The following CTIF variants were observed in gnomAD, a reference collection of about 807,000 sequenced individuals.
The protein encoded by CTIF is CBP80/20-dependent translation initiation factor.
In CTIF, 21 loss-of-function variants were observed where a neutral mutation model predicts 66.0. The ratio of observed to expected loss-of-function variants is 0.32; its 90% CI spans 0.23 to 0.46. The LOEUF (loss-of-function observed/expected upper bound fraction) is 0.46. CTIF is among the 20% of genes least tolerant of loss of function. The pLI is 1.00. For missense variants in CTIF, 739 were observed against 812.7 expected (o/e 0.91, Z 1.10); for synonymous variants, 345 against 326.4 (o/e 1.06, Z -0.62).
intron 1 of CTIF, among the ~76,000 whole-genome samples, chr18:48,561,235 C>CAAAA (rs36056519): frequency 0.037 from 3,373 of 91,998 alleles, 135 homozygotes; most frequent in South Asian, 0.076. Context: ...GACTCTGTCT[C>CAAAA]AAAAAAAAAA....
At chr18:48,583,409 C>T (rs779182076) in intron 1 of CTIF, among the ~76,000 whole-genome samples, 1 of 152,100 alleles carries the variant, frequency 6.6e-6, no homozygotes, top group Non-Finnish European at 1.5e-5. Flanking sequence ...AGAGTGTTAC[C>T]AAACCCAGGA....
At chr18:48,765,311 G>A (rs932650391) in intron 9 of CTIF, among the ~76,000 whole-genome samples, 2 of 152,004 alleles carry the variant, frequency 1.3e-5, no homozygotes, top group Admixed American at 1.3e-4. Context: ...TCTGGCTCTC[G>A]GTCCCCAACC....
chr18:48,776,737 A>G (rs1243984994), intron 9 of CTIF, among the ~76,000 whole-genome samples: 1 of 152,234 alleles, frequency 6.6e-6, no homozygotes, highest in East Asian at 1.9e-4. Flanking sequence ...GAGGTCTAGG[A>G]CTAGGGAGAG....
At chr18:48,731,980 C>T (rs910226739) in intron 7 of CTIF, among the ~76,000 whole-genome samples, 1 of 152,220 alleles carries the variant, frequency 6.6e-6, no homozygotes, top group East Asian at 1.9e-4. Context: ...ACTCTGTTTC[C>T]ATAACCAGAT....
At chr18:48,630,600 T>C (rs1346944612) in intron 2 of CTIF, among the ~76,000 whole-genome samples, 1 of 152,076 alleles carries the variant, frequency 6.6e-6, no homozygotes, top group African/African-American at 2.4e-5. Context: ...GTGGGTGCAG[T>C]TTTATCAGTT....
intron 9 of CTIF, among the ~76,000 whole-genome samples, chr18:48,768,382 A>G (rs947678492): frequency 7.2e-5 from 11 of 152,266 alleles, no homozygotes; most frequent in Admixed American, 2.6e-4. Flanking sequence ...GCCATCAGTC[A>G]TGGGTACCAA....
At chr18:48,799,218 A>G (rs1447709103) in intron 9 of CTIF, among the ~76,000 whole-genome samples, 2 of 152,092 alleles carry the variant, frequency 1.3e-5, no homozygotes, top group Non-Finnish European at 2.9e-5. Flanking sequence ...TTTGTAGAAT[A>G]CTCTCAGTTC....
At chr18:48,762,211 G>A (rs999224294) in intron 9 of CTIF, among the ~76,000 whole-genome samples, 30 of 152,144 alleles carry the variant, frequency 2.0e-4, no homozygotes, top group African/African-American at 7.0e-4. Flanking sequence ...GGGAAGTCAC[G>A]GTGATGCAAG....
intron 1 of CTIF, among the ~76,000 whole-genome samples, chr18:48,573,274 C>T (rs17829017): frequency 0.073 from 11,150 of 152,190 alleles, 483 homozygotes; most frequent in South Asian, 0.1. Context: ...TAAAACACTA[C>T]GTGCAGGGCT....
At chr18:48,568,833 T>A (rs2089344858) in intron 1 of CTIF, among the ~76,000 whole-genome samples, 1 of 151,994 alleles carries the variant, frequency 6.6e-6, no homozygotes, top group African/African-American at 2.4e-5. Flanking sequence ...TTATTCACTG[T>A]CACAAGAATA....
chr18:48,855,617 G>A (rs1171752344), intron 10 of CTIF, among the ~76,000 whole-genome samples: 4 of 152,230 alleles, frequency 2.6e-5, no homozygotes, highest in African/African-American at 9.6e-5. Context: ...GGCATGCTAG[G>A]AAGATCACTC....
chr18:48,658,945 C>T (rs140289351), intron 3 of CTIF, among the ~76,000 whole-genome samples: 15 of 152,210 alleles, frequency 9.9e-5, no homozygotes, highest in East Asian at 5.8e-4. Context: ...AACTCTGTTG[C>T]GTGAGGCCTG....
At chr18:48,778,945 G>A (rs542133977) in intron 9 of CTIF, among the ~76,000 whole-genome samples, 14 of 152,326 alleles carry the variant, frequency 9.2e-5, no homozygotes, top group Admixed American at 8.5e-4. Context: ...TTTCAGCCCT[G>A]ACTGAGAGTA....
At chr18:48,747,816 G>A (rs1289404626) in intron 7 of CTIF, among the ~76,000 whole-genome samples, 4 of 151,538 alleles carry the variant, frequency 2.6e-5, no homozygotes, top group Admixed American at 6.6e-5. Context: ...TACTTGGGAC[G>A]CTGAGGTGGG....
At chr18:48,643,316 T>C (rs1020307295) in intron 3 of CTIF, among the ~76,000 whole-genome samples, 1 of 152,226 alleles carries the variant, frequency 6.6e-6, no homozygotes, top group Non-Finnish European at 1.5e-5. Context: ...AAATTATCTA[T>C]TTTTATGGTT....
chr18:48,845,373 G>T (rs919597932), intron 10 of CTIF, among the ~76,000 whole-genome samples: 2 of 152,166 alleles, frequency 1.3e-5, no homozygotes, highest in African/African-American at 2.4e-5. Context: ...AGGGGACCTT[G>T]GTCATTGTTC....
intron 9 of CTIF, among the ~76,000 whole-genome samples, chr18:48,771,400 C>T (rs1032876618): frequency 3.9e-5 from 6 of 152,106 alleles, no homozygotes; most frequent in Admixed American, 6.5e-5. Context: ...GATAGGCAGG[C>T]ATGGGAATAG....
chr18:48,776,051 C>T (rs774520960), intron 9 of CTIF, among the ~76,000 whole-genome samples: 6 of 152,230 alleles, frequency 3.9e-5, no homozygotes, highest in South Asian at 2.1e-4. Context: ...AGCCTTGGGC[C>T]GTCTTTTGCA....
intron 6 of CTIF, among the ~76,000 whole-genome samples, chr18:48,690,108 G>A (rs570026052): frequency 6.6e-6 from 1 of 152,240 alleles, no homozygotes; most frequent in Admixed American, 6.5e-5. Flanking sequence ...CAGGGCTCAT[G>A]TCTTCTTTGC....
Sources: allele counts gnomAD v4.1 joint callset (sites outside exome capture counted in the v4.1 genomes callset), GRCh38; gene constraint gnomAD v4.1.1; transcripts MANE v1.5; gene names NCBI Gene and HGNC (gene_info 2026-07-23, HGNC 2026-07-21).